MACF1: variants seen among roughly 807,000 people sequenced by gnomAD.
The protein encoded by MACF1 is microtubule-actin cross-linking factor 1.
MACF1 carries 193 observed loss-of-function variants against 854.8 expected under a neutral mutation model. The observed-to-expected ratio is 0.23, with a 90% confidence interval of 0.20 to 0.25. The LOEUF is 0.25. Among genes scored for constraint, MACF1 ranks in the 10% least tolerant of loss-of-function variants. The probability of loss-of-function intolerance (pLI) is 1.00; values close to 1 mark genes in which losing one functional copy is unlikely to be tolerated. For missense variants in MACF1, 7,722 were observed against 8,929.1 expected (o/e 0.86, Z 5.45); for synonymous variants, 3,185 against 3,226.7 (o/e 0.99, Z 0.44).
chr1:39,386,536 A>G (rs937516192), intron 57 of MACF1, among the ~76,000 whole-genome samples: 2 of 151,968 alleles, frequency 1.3e-5, no homozygotes, highest in African/African-American at 4.8e-5. Context: ...GGTTCAAGCA[A>G]TCCTCCTGCC....
intron 2 of MACF1, among the ~76,000 whole-genome samples, chr1:39,129,021 C>T (rs1642930627): frequency 6.6e-6 from 1 of 152,170 alleles, no homozygotes. Context: ...TTTTGCCTAA[C>T]ACAATGTCCT....
chr1:39,099,285 A>G (rs2148128920), intron 2 of MACF1, among the ~76,000 whole-genome samples: 2 of 152,266 alleles, frequency 1.3e-5, no homozygotes, highest in South Asian at 4.1e-4. Context: ...CCTCCCAAGT[A>G]GCTGGGATTA....
At chr1:39,169,835 G>A (rs1460175290) in intron 2 of MACF1, among the ~76,000 whole-genome samples, 7 of 142,332 alleles carry the variant, frequency 4.9e-5, no homozygotes, top group Admixed American at 1.5e-4. Flanking sequence ...GTGCAGTGAC[G>A]TGATCTCGGC....
chr1:39,123,577 C>T lies in MACF1; in HGVS notation c.220+39139C>T, dbSNP rs1642776137. Among the ~76,000 whole-genome samples the T allele has an allele frequency of 2.7e-5, 4 of 149,476 alleles. No individual in the cohort carries two copies. In the South Asian group the frequency reaches 8.6e-4, roughly 32 times the overall value. ...TTCTTGAGGCAGAGTCTTACTCTGT[C>T]ACCCAGCCTGGAGTGCAGTGGTGTG... On this transcript the variant is annotated intron_variant, in intron 2 of 93. Coordinates refer to the MACF1 transcript ENST00000361689.
chr1:39,315,542 G>A lies in MACF1; in HGVS notation c.3300G>A (p.Arg1100=). ...CCCAGGAGGATTTACAGCAATTGAGGTCAGACTTGGATGCAGTTTCTATGA... is the reference window on the plus strand; with the variant it reads ...CCCAGGAGGATTTACAGCAATTGAGATCAGACTTGGATGCAGTTTCTATGA... ...EHTQEDLQQL[R]SDLDAVSMKC... The change falls in exon 27 of 101, where the codon AGG becomes AGA. Residue 1100 remains arginine, a synonymous_variant. Transcript: ENST00000564288. 1 of 1,614,082 alleles carries A rather than the reference G, an allele frequency of 6.2e-7. No homozygotes were observed. Among genetic ancestry groups the A allele is most frequent in the African/African-American group, 1.3e-5 (1 of 75,042 alleles).
chr1:39,325,534 TA>T (rs1236356711), intron 35 of MACF1, among the ~76,000 whole-genome samples: 2 of 152,304 alleles, frequency 1.3e-5, no homozygotes, highest in African/African-American at 4.8e-5. Flanking sequence ...TTTGTTTTCT[TA>T]AAAGATACAA....
chr1:39,335,008 A>T lies in MACF1; in HGVS notation c.8420A>T (p.Lys2807Ile), dbSNP rs1331920926. ...CNQTAEMSCN[K>I]VEESERLFQV... is the part of the protein sequence containing the mutation. Reference sequence around the variant, plus strand: ...CAGACTGCTGAAATGAGTTGTAATAAAGTAGAAGAGAGTGAGAGATTATTT... The same window carrying T: ...CAGACTGCTGAAATGAGTTGTAATATAGTAGAAGAGAGTGAGAGATTATTT... Residue 2807 changes from lysine to isoleucine, a missense_variant, in exon 37 of 101, where the codon AAA becomes ATA. This residue lies in a region of MACF1 where 1,531 missense variants were observed against 1,601.6 expected (regional missense o/e 0.96). Coordinates refer to ENST00000564288, the MANE Select transcript of MACF1 (RefSeq NM_001394062.1). 3 of 1,614,012 alleles carry T rather than the reference A, an allele frequency of 1.9e-6. No homozygotes were observed. Among genetic ancestry groups the T allele is most frequent in the African/African-American group, 1.3e-5 (1 of 74,922 alleles).
intron 58 of MACF1, chr1:39,414,569 TTC>T (rs1289439064): frequency 5.2e-6 from 8 of 1,547,342 alleles, no homozygotes; most frequent in South Asian, 1.2e-5. Flanking sequence ...GCACAGATAG[TTC>T]TTTTGTTCTT....
At chr1:39,397,526 C>T (rs1023949956) in intron 58 of MACF1, among the ~76,000 whole-genome samples, 16 of 151,508 alleles carry the variant, frequency 1.1e-4, no homozygotes, top group African/African-American at 2.9e-4. Flanking sequence ...CATGCCATTG[C>T]GCTCCAGCCT....
At chr1:39,414,653 C>T in intron 58 of MACF1, 1 of 947,738 alleles carries the variant, frequency 1.1e-6, no homozygotes, top group Non-Finnish European at 1.5e-6. Context: ...TTAATTTTGT[C>T]TGGTGAAAGA....
intron 2 of MACF1, among the ~76,000 whole-genome samples, chr1:39,148,161 C>G (rs1452104210): frequency 1.3e-5 from 2 of 152,158 alleles, no homozygotes; most frequent in Non-Finnish European, 2.9e-5. Flanking sequence ...TATTTATCAT[C>G]TTATTTTACA....
At chr1:39,186,922 T>A (rs1231735928) in intron 2 of MACF1, among the ~76,000 whole-genome samples, 1 of 151,842 alleles carries the variant, frequency 6.6e-6, no homozygotes, top group East Asian at 1.9e-4. Context: ...CATTTCTGTT[T>A]CTTTTTTTTC....
Position 39,210,446 on chromosome 1 carries a change from C to T in MACF1, c.109+5315C>T, listed in dbSNP as rs11800058. 9.4e-3 allele frequency among the ~76,000 whole-genome samples: 1,417 copies of T among 151,466 alleles called. 27 individuals carry two copies. The highest frequency in any genetic ancestry group is 0.033 in the African/African-American group (1,345 of 41,358). ...TGAACTTGAATTTCAAGCCTCCTCC[C>T]ACCTTAGCCTCCCAAGTAGCTGGGA... On this transcript the variant is annotated intron_variant, in intron 1 of 100. Coordinates refer to ENST00000564288, the MANE Select transcript of MACF1 (RefSeq NM_001394062.1).
intron 2 of MACF1, among the ~76,000 whole-genome samples, chr1:39,232,505 C>T (rs899130876): frequency 1.3e-5 from 2 of 152,154 alleles, no homozygotes; most frequent in African/African-American, 2.4e-5. Context: ...CTTCCTCTGT[C>T]TGACTCTTCC....
In MACF1 at chr1:39,452,802, A is replaced by G. The variant is rs771589506; in HGVS notation, c.20732A>G (p.Asp6911Gly). 37 of 1,613,962 alleles carry G rather than the reference A, an allele frequency of 2.3e-5. No homozygotes were observed. In the Admixed American group the frequency reaches 6.0e-4, roughly 26 times the overall value. Reference sequence around the variant, plus strand: ...ACAGAGGCCCTGCAGTCTCTCATTGACACCCATAAGGTAATCCAGCCTTGG... The same window carrying G: ...ACAGAGGCCCTGCAGTCTCTCATTGGCACCCATAAGGTAATCCAGCCTTGG... ...DDTEALQSLI[D>G]THKEFMKKVE... The change falls in exon 87 of 101, where the codon GAC becomes GGC. Residue 6911 changes from aspartate (D) to glycine (G), a missense_variant. By Grantham distance (94) the Asp-to-Gly change is moderately conservative. Coordinates refer to ENST00000564288, the MANE Select transcript of MACF1 (RefSeq NM_001394062.1).
At chr1:39,239,075 G>T (rs113056239) in intron 2 of MACF1, among the ~76,000 whole-genome samples, 2 of 152,190 alleles carry the variant, frequency 1.3e-5, no homozygotes, top group African/African-American at 2.4e-5. Context: ...GAGGTCAGGA[G>T]TTCGAGACCA....
At chr1:39,445,637 G>C (rs1337136497) in intron 80 of MACF1, among the ~76,000 whole-genome samples, 3 of 152,190 alleles carry the variant, frequency 2.0e-5, no homozygotes, top group Non-Finnish European at 4.4e-5. Context: ...ATTATATTAA[G>C]AATGGCTAAA....
At chr1:39,156,815 T>C (rs1376673295) in intron 2 of MACF1, among the ~76,000 whole-genome samples, 3 of 152,188 alleles carry the variant, frequency 2.0e-5, no homozygotes, top group African/African-American at 4.8e-5. Context: ...TCAAGTTGCA[T>C]TTTGAGAAAA....
At position 39,334,388 on chromosome 1, in the gene MACF1, A is replaced by G. The variant is rs750151023; in HGVS notation, c.7800A>G (p.Lys2600=). 1.9e-6 allele frequency: 3 copies of G among 1,614,062 alleles called. No homozygotes were observed. The highest frequency in any genetic ancestry group is 1.7e-5 in the Admixed American group (1 of 60,014). ...GATTGACCTTGGCAGAAGCTAAAAA[A>G]GAAGGACTGTTAACTAATGAAGCAG... is the stretch of plus-strand genomic sequence containing the variant. ...GQRLTLAEAK[K]EGLLTNEAVL... The change falls in exon 37 of 101, where the codon AAA becomes AAG. Residue 2600 remains lysine (K), a synonymous_variant. Transcript: ENST00000564288.
Sources: allele counts gnomAD v4.1 joint callset (sites outside exome capture counted in the v4.1 genomes callset), GRCh38; gene constraint gnomAD v4.1.1; regional missense constraint gnomAD v4.1.1; transcripts MANE v1.5; gene names NCBI Gene and HGNC (gene_info 2026-07-23, HGNC 2026-07-21).